The following DOCK6 variants were observed in gnomAD, a reference collection of about 807,000 sequenced individuals.
The protein encoded by DOCK6 is dedicator of cytokinesis 6, also known as dedicator of cytokinesis protein 6.
DOCK6 carries 167 observed loss-of-function variants against 230.3 expected under a neutral mutation model. That is an observed-to-expected ratio of 0.73 (90% CI 0.64 to 0.82). The LOEUF is 0.82. Among genes scored for constraint, DOCK6 ranks in the 40% least tolerant of loss-of-function variants. DOCK6 has a pLI of 0.00. For missense variants in DOCK6, 2,598 were observed against 2,825.8 expected (o/e 0.92, Z 1.83); for synonymous variants, 1,148 against 1,185.0 (o/e 0.97, Z 0.64).
intron 14 of DOCK6, among the ~76,000 whole-genome samples, chr19:11,239,233 A>G (rs60385010): frequency 0.047 from 7,082 of 152,248 alleles, 549 homozygotes; most frequent in African/African-American, 0.16. Context: ...CGTGGCAAGT[A>G]TGTGGGAGGG....
intron 16 of DOCK6, 71 bp from the exon 17 acceptor site, chr19:11,237,850 G>A (rs1190122658): frequency 6.7e-7 from 1 of 1,493,066 alleles, no homozygotes; most frequent in Non-Finnish European, 9.1e-7. Context: ...CCTCTGCCAT[G>A]CCACGCCCTT....
intron 1 of DOCK6, among the ~76,000 whole-genome samples, chr19:11,258,739 T>C (rs2080236921): frequency 6.9e-6 from 1 of 145,228 alleles, no homozygotes. Context: ...GGCCTATAAC[T>C]ATTCTTTAAA....
Position 11,200,939 on chromosome 19 carries a change from A to C in DOCK6, c.5802T>G (p.Leu1934=). Reference sequence around the variant, plus strand: ...TCACGGTGGGCCCTACAGAGCCCTGAAGCACCATCTGTAGCATCTTAGCAT... The same window carrying C: ...TCACGGTGGGCCCTACAGAGCCCTGCAGCACCATCTGTAGCATCTTAGCAT... ...PPDAKMLQMV[L]QGSVGPTVNQ... is the part of the protein sequence containing the mutation. Residue 1934 remains leucine (L), a synonymous_variant, in exon 45 of 48, where the codon CTT becomes CTG. Transcript: ENST00000294618. This position sits in a 1 kb window ranked among gnomAD's most constrained non-coding sequence, Gnocchi z 4.3. The C allele has an allele frequency of 6.2e-7, 1 of 1,613,758 alleles. No homozygotes were observed.
rs1285863480 is a variant in DOCK6, at chr19:11,202,576, G to A, written c.5361+8C>T. On this transcript the variant is annotated splice_region_variant and intron_variant, in intron 42 of 47. Transcript: ENST00000294618. The surrounding 1 kb of genome is among the most constrained non-coding windows in gnomAD (Gnocchi z 5.3). The stretch of plus-strand genomic sequence containing the variant: ...TGCCCCGTTCCACCCCCAACCACAA[G>A]GACGTGCCTCCAGCCGGTGTGAGAT... 2 of 1,613,872 alleles carry A rather than the reference G, an allele frequency of 1.2e-6. No individual in the cohort carries two copies. Among genetic ancestry groups the A allele is most frequent in the Admixed American group, 1.7e-5 (1 of 60,012 alleles).
intron 30 of DOCK6, 66 bp downstream of exon 30, chr19:11,216,848 C>A (rs2079496053): frequency 1.9e-6 from 3 of 1,544,544 alleles, no homozygotes; most frequent in Non-Finnish European, 2.7e-6. Flanking sequence ...CAGCCCGCAG[C>A]ACGCTGGGTC....
Position 11,248,113 on chromosome 19 carries a change from G to GGGT in DOCK6, c.756_758dup (p.Pro253dup). The GGGT allele has an allele frequency of 6.2e-7, 1 of 1,612,582 alleles. No individual in the cohort carries two copies. The highest frequency in any genetic ancestry group is 8.5e-7 in the Non-Finnish European group (1 of 1,179,428). ...AGATCCTTTGTCCAAAGTGCTCGCG[G>GGGT]GGTGGCTCTGGGCGGCTACAGCGTT... On this transcript the variant is annotated inframe_insertion, in exon 7 of 48. Transcript: ENST00000294618.
intron 28 of DOCK6, among the ~76,000 whole-genome samples, chr19:11,217,863 G>A (rs1207874777): frequency 1.3e-5 from 2 of 150,782 alleles, no homozygotes; most frequent in Non-Finnish European, 3.0e-5. Flanking sequence ...ATTTATTATT[G>A]TTTTTTGAGA....
chr19:11,209,154 C>T (rs1308681942), intron 37 of DOCK6, 51 bp from the exon 38 acceptor site: 4 of 1,554,086 alleles, frequency 2.6e-6, no homozygotes, highest in African/African-American at 2.7e-5. Flanking sequence ...CTGGTCCTCC[C>T]CACCTGCCTC....
chr19:11,214,451 G>A, intron 33 of DOCK6, 42 bp from the exon 34 acceptor site: 1 of 1,613,700 alleles, frequency 6.2e-7, no homozygotes, highest in African/African-American at 1.3e-5. Context: ...TAGAGCCTAG[G>A]GTGGTTATGG....
At position 11,217,410 on chromosome 19, in the gene DOCK6, G is replaced by A. The variant is rs1164797717; in HGVS notation, c.3551-19C>T. The A allele has an allele frequency of 1.2e-6, 2 of 1,608,292 alleles. No homozygotes were observed. The highest frequency in any genetic ancestry group is 2.2e-5 in the East Asian group (1 of 44,672). On this transcript the variant is annotated intron_variant, in intron 28 of 47. Coordinates refer to ENST00000294618, the MANE Select transcript of DOCK6 (RefSeq NM_020812.4). ...GGGCCCTCTGGCAGGGAAAGACAGA[G>A]GGAAAGAAAGATAAACCCTTGGTAA...
intron 41 of DOCK6, chr19:11,203,185 C>T (rs1363661066): frequency 5.7e-6 from 1 of 176,056 alleles, no homozygotes; most frequent in Admixed American, 5.5e-5. Flanking sequence ...GCTCCTGTCC[C>T]CAGCCCTAAG....
intron 35 of DOCK6, among the ~76,000 whole-genome samples, chr19:11,212,584 A>C (rs1229000931): frequency 8.6e-6 from 1 of 116,818 alleles, no homozygotes; most frequent in African/African-American, 3.5e-5. Flanking sequence ...TTTTTTTGAG[A>C]CTGAGTGTCA....
In DOCK6 at chr19:11,200,272, C is replaced by G; in HGVS notation, c.6101+36G>C. On this transcript the variant is annotated intron_variant, in intron 47 of 47. Coordinates refer to ENST00000294618, the MANE Select transcript of DOCK6 (RefSeq NM_020812.4). This position sits in a 1 kb window ranked among gnomAD's most constrained non-coding sequence, Gnocchi z 4.3. ...GTCCTGGTCTGCCTCTGCATCCCCT[C>G]TCTAGTCTCTAGGATGGGGGCACTA... The G allele has an allele frequency of 6.5e-7, 1 of 1,543,594 alleles. No individual in the cohort carries two copies. The highest frequency in any genetic ancestry group is 8.7e-7 in the Non-Finnish European group (1 of 1,143,182).
Position 11,201,855 on chromosome 19 carries a change from C to T in DOCK6, c.5688+34G>A, listed in dbSNP as rs1358567434. On this transcript the variant is annotated intron_variant, in intron 44 of 47. Transcript: ENST00000294618. The surrounding 1 kb of genome is among the most constrained non-coding windows in gnomAD (Gnocchi z 4.3). The stretch of plus-strand genomic sequence containing the variant: ...CCCAGGGTCTGATGTCCCCTCACCT[C>T]CCCACCCCCGCCAGGCCCAGGATCC... The T allele has an allele frequency of 1.6e-6, 2 of 1,270,284 alleles. No individual in the cohort carries two copies. Among genetic ancestry groups the T allele is most frequent in the African/African-American group, 1.5e-5 (1 of 67,002 alleles). 78.7% of individuals were successfully genotyped at this position (1,270,284 alleles called of 1,614,324 possible).
rs769137949 is a variant in DOCK6 at position 11,208,799 on chromosome 19, C to T, written c.4975G>A (p.Ala1659Thr). 10 of 1,613,698 alleles carry T rather than the reference C, an allele frequency of 6.2e-6. No homozygotes were observed. Among genetic ancestry groups the T allele is most frequent in the South Asian group, 5.5e-5 (5 of 91,086 alleles). ...GGCGACAGGATGTCGTCGGAGATGGCGGACTCCTCTAGCACGTTGGATGAG... is the reference window on the plus strand; with the variant it reads ...GGCGACAGGATGTCGTCGGAGATGGTGGACTCCTCTAGCACGTTGGATGAG... Reference protein sequence around the residue: ...NISSNVLEESAISDDILSPDE... With the variant: ...NISSNVLEESTISDDILSPDE... The change falls in exon 39 of 48, where the codon GCC becomes ACC. Residue 1659 changes from alanine to threonine, a missense_variant. Physicochemically the swap from Ala to Thr is moderately conservative, Grantham distance 58. Coordinates refer to ENST00000294618, the MANE Select transcript of DOCK6 (RefSeq NM_020812.4).
At chr19:11,214,676 G>A (rs1427444699) in intron 32 of DOCK6, 27 bp from the exon 33 acceptor site, 1 of 1,605,122 alleles carries the variant, frequency 6.2e-7, no homozygotes. Context: ...GGTCTTGGGG[G>A]CCCACTCGGG....
chr19:11,250,072 G>A (rs576361261), intron 6 of DOCK6, among the ~76,000 whole-genome samples: 44 of 150,418 alleles, frequency 2.9e-4, no homozygotes, highest in African/African-American at 1.1e-3. Context: ...ATGCAGTGGT[G>A]CGATCTTGGC....
chr19:11,252,862 C>T lies in DOCK6; in HGVS notation c.229G>A (p.Glu77Lys), dbSNP rs368217762. ...AEPGPLRDLV[E>K]FPADDLELLL... Reference sequence around the variant, plus strand: ...AGCTCCAAGTCATCAGCTGGGAATTCTACCAGGTCCCTGAGGGGCCCGGGC... The same window carrying T: ...AGCTCCAAGTCATCAGCTGGGAATTTTACCAGGTCCCTGAGGGGCCCGGGC... Residue 77 changes from glutamate to lysine, a missense_variant, in exon 3 of 48, where the codon GAA (glutamate) becomes AAA (lysine). Glu to Lys is a moderately conservative substitution (Grantham distance 56). Coordinates refer to ENST00000294618, the MANE Select transcript of DOCK6 (RefSeq NM_020812.4). 5.3e-5 allele frequency: 86 copies of T among 1,613,788 alleles called. No individual in the cohort carries two copies. The African/African-American group carries it at 1.0e-3, about 20-fold the overall frequency.
At chr19:11,241,371 G>T in intron 14 of DOCK6, 1 of 924,014 alleles carries the variant, frequency 1.1e-6, no homozygotes. Context: ...GATACAATGA[G>T]GGGCTGGGGC....
Sources: gnomAD v4.1 joint callset for allele counts (sites outside exome capture counted in the v4.1 genomes callset) on GRCh38, gnomAD v4.1.1 for gene constraint, Gnocchi (gnomAD v3.1) non-coding constraint, MANE v1.5 for transcripts, NCBI Gene and HGNC (gene_info 2026-07-23, HGNC 2026-07-21) for gene names.